Variants in ADGRL2 observed in about 807,000 individuals in gnomAD.
ADGRL2 encodes the protein adhesion G protein-coupled receptor L2.
Under a neutral mutation model 157.4 loss-of-function variants are expected in ADGRL2, and 44 were observed. The observed-to-expected ratio is 0.28, with a 90% CI of 0.22 to 0.36. The LOEUF is 0.36. ADGRL2 is among the 10% of genes least tolerant of loss of function. The probability of loss-of-function intolerance (pLI) is 1.00; values close to 1 mark genes in which losing one functional copy is unlikely to be tolerated. For synonymous variants in ADGRL2, 585 were observed against 624.7 expected (o/e 0.94, Z 0.95); for missense variants, 1,510 against 1,768.9 (o/e 0.85, Z 2.63).
At chr1:81,459,043 A>G (rs112283398) in intron 2 of ADGRL2, among the ~76,000 whole-genome samples, 1,917 of 152,198 alleles carry the variant, frequency 0.013, 30 homozygotes, top group East Asian at 0.041. Context: ...GTGAGAGGGG[A>G]CCCAAAAGCA....
intron 2 of ADGRL2, among the ~76,000 whole-genome samples, chr1:81,499,468 C>T (rs780268091): frequency 9.2e-5 from 14 of 152,204 alleles, no homozygotes; most frequent in Non-Finnish European, 1.9e-4. Flanking sequence ...GACTTGAACC[C>T]GGTTGTTAAA....
chr1:81,387,362 A>G (rs2101090411), intron 1 of ADGRL2, among the ~76,000 whole-genome samples: 1 of 152,294 alleles, frequency 6.6e-6, no homozygotes, highest in African/African-American at 2.4e-5. Flanking sequence ...ACTTTTAGAA[A>G]ATTAGGAAAG....
At chr1:81,626,884 A>G (rs1170238426) in intron 3 of ADGRL2, among the ~76,000 whole-genome samples, 2 of 152,136 alleles carry the variant, frequency 1.3e-5, no homozygotes, top group African/African-American at 4.8e-5. Flanking sequence ...GAGTTTCATG[A>G]CGTCTTATAC....
chr1:81,990,883 C>T lies in ADGRL2; in HGVS notation c.4148C>T (p.Thr1383Ile). Residue 1383 changes from threonine to isoleucine, a missense_variant, in exon 24 of 24, where the codon ACA (threonine) becomes ATA (isoleucine). Physicochemically the swap from Thr to Ile is moderately conservative, Grantham distance 89. Coordinates refer to ENST00000686636, the MANE Select transcript of ADGRL2 (RefSeq NM_001366006.2). ...TCCCCCAACAGAGACTCTCTTTATA[C>T]AAGCATGCCCAATCTTAGAGACTCT... ...LQSPNRDSLY[T>I]SMPNLRDSPY... 1 of 1,614,100 alleles carries T rather than the reference C, an allele frequency of 6.2e-7. No individual in the cohort carries two copies. Among genetic ancestry groups the T allele is most frequent in the East Asian group, 2.2e-5 (1 of 44,846 alleles).
intron 3 of ADGRL2, among the ~76,000 whole-genome samples, chr1:81,692,450 T>C (rs935694828): frequency 3.3e-5 from 5 of 152,352 alleles, no homozygotes; most frequent in African/African-American, 1.2e-4. Flanking sequence ...CCCCGCAGTG[T>C]TAAGCCAATT....
At chr1:81,445,080 G>T (rs1228247998) in exon 2 of ADGRL2, 6 of 152,208 alleles carry the variant, frequency 3.9e-5, no homozygotes, top group South Asian at 2.1e-4. Context: ...AGCCTACGTA[G>T]ATTCATAAGG....
chr1:81,398,154 CATGGAAT>C (rs1427590168), intron 1 of ADGRL2, among the ~76,000 whole-genome samples: 1 of 152,090 alleles, frequency 6.6e-6, no homozygotes, highest in African/African-American at 2.4e-5. Context: ...TTTCCATTTG[CATGGAAT>C]ATCTTTTTCC....
At chr1:81,802,419 TC>T (rs1268526271) in intron 1 of ADGRL2, among the ~76,000 whole-genome samples, 1 of 151,670 alleles carries the variant, frequency 6.6e-6, no homozygotes, top group African/African-American at 2.4e-5. Flanking sequence ...CTCCCCCCAA[TC>T]TCCTCTTGGA....
chr1:81,649,422 G>C (rs911330539), intron 3 of ADGRL2, among the ~76,000 whole-genome samples: 3 of 152,100 alleles, frequency 2.0e-5, no homozygotes, highest in Admixed American at 1.3e-4. Context: ...TATCCCAAGG[G>C]AAATCTTTTA....
rs1570667674 is a variant in ADGRL2 at position 81,341,577 on chromosome 1, A to C, written c.-302+35068A>C. On this transcript the variant is annotated intron_variant, in intron 1 of 24. Transcript: ENST00000370721. ...CCTAGTAAGCATGTATATTAGCCTT[A>C]TAAAAGCAAGCTCTTTTCAAATTTG... Among the ~76,000 whole-genome samples the C allele has an allele frequency of 2.6e-5, 4 of 152,308 alleles. No individual in the cohort carries two copies. The South Asian group carries it at 8.3e-4, about 32-fold the overall frequency.
chr1:81,981,097 C>A, intron 18 of ADGRL2: 1 of 437,858 alleles, frequency 2.3e-6, no homozygotes, highest in Non-Finnish European at 4.4e-6. Flanking sequence ...AATTTTGTTT[C>A]TCTTTTCTGC....
intron 23 of ADGRL2, chr1:81,989,737 T>C: frequency 6.2e-7 from 1 of 1,607,000 alleles, no homozygotes; most frequent in Non-Finnish European, 8.5e-7. Flanking sequence ...CTGTCTATCG[T>C]GATGTTGGAT....
chr1:81,595,910 A>G (rs1024176860), intron 3 of ADGRL2, among the ~76,000 whole-genome samples: 2 of 152,126 alleles, frequency 1.3e-5, no homozygotes, highest in Non-Finnish European at 2.9e-5. Context: ...CAGATTCAGC[A>G]TCTGTTGAGG....
chr1:81,911,019 T>C (rs2094708559), intron 3 of ADGRL2, among the ~76,000 whole-genome samples: 1 of 152,108 alleles, frequency 6.6e-6, no homozygotes, highest in Non-Finnish European at 1.5e-5. Context: ...CTCTTGTGTT[T>C]TTCACTCCCT....
intron 23 of ADGRL2, chr1:81,989,636 T>G (rs1316685917): frequency 5.0e-6 from 8 of 1,605,898 alleles, no homozygotes; most frequent in Non-Finnish European, 6.0e-6. Context: ...ATAAATCATT[T>G]TACTTTCTTT....
chr1:81,891,137 C>A lies in ADGRL2; in HGVS notation c.74-15880C>A, dbSNP rs557468219. Reference sequence around the variant, plus strand: ...AGTCTTTTACATACTTTTCTGGGAACCCATTCCCAAATCACTAAATATTAT... The same window carrying A: ...AGTCTTTTACATACTTTTCTGGGAAACCATTCCCAAATCACTAAATATTAT... On this transcript the variant is annotated intron_variant, in intron 2 of 23. Transcript: ENST00000686636. Among the ~76,000 whole-genome samples the A allele has an allele frequency of 1.3e-4, 19 of 151,744 alleles. No homozygotes were observed. In the East Asian group the frequency reaches 2.1e-3, roughly 17 times the overall value.
Position 81,325,634 on chromosome 1 carries a change from T to C in ADGRL2, c.-302+19125T>C, listed in dbSNP as rs111746427. 2.5e-3 allele frequency among the ~76,000 whole-genome samples: 379 copies of C among 152,336 alleles called. 2 individuals are homozygous for C. Among genetic ancestry groups the C allele is most frequent in the African/African-American group, 8.6e-3 (358 of 41,568 alleles). ...CCACACCCAAATGAGTCACAGAGGT[T>C]AGAAGCCAAGAATTCTCTTCCAATA... On this transcript the variant is annotated intron_variant, in intron 1 of 24. Transcript: ENST00000370721.
chr1:81,318,466 G>T (rs1660260998), intron 1 of ADGRL2, among the ~76,000 whole-genome samples: 1 of 152,084 alleles, frequency 6.6e-6, no homozygotes, highest in African/African-American at 2.4e-5. Context: ...GTAAAATGGG[G>T]GCAATACTGA....
At chr1:81,413,191 T>C (rs1046883210) in intron 1 of ADGRL2, among the ~76,000 whole-genome samples, 3 of 152,128 alleles carry the variant, frequency 2.0e-5, no homozygotes, top group Non-Finnish European at 2.9e-5. Context: ...TACTTGAAGG[T>C]TTGGCTTCTA....
Sources: allele counts gnomAD v4.1 joint callset (sites outside exome capture counted in the v4.1 genomes callset), GRCh38; gene constraint gnomAD v4.1.1; transcripts MANE v1.5; gene names NCBI Gene and HGNC (gene_info 2026-07-23, HGNC 2026-07-21).